The following COLEC10 variants were observed in gnomAD, a reference collection of about 807,000 sequenced individuals.
The protein encoded by COLEC10 is collectin subfamily member 10, also known as collectin-10.
COLEC10 carries 22 observed loss-of-function variants against 28.4 expected under a neutral mutation model. The ratio of observed to expected loss-of-function variants is 0.78; its 90% CI spans 0.55 to 1.11. The LOEUF (loss-of-function observed/expected upper bound fraction) is 1.11. COLEC10 is among the 50% of genes least tolerant of loss of function. The pLI, the probability that COLEC10 is intolerant of heterozygous loss-of-function variation, is 0.00. For synonymous variants in COLEC10, 125 were observed against 116.1 expected (o/e 1.08, Z -0.49); for missense variants, 361 against 344.1 (o/e 1.05, Z -0.39).
intron 3 of COLEC10, among the ~76,000 whole-genome samples, chr8:119,095,660 G>A (rs1397586540): frequency 1.3e-5 from 2 of 151,968 alleles, no homozygotes; most frequent in African/African-American, 2.4e-5. Flanking sequence ...TGAGATCCCA[G>A]CACTGCACTC....
At chr8:118,969,641 G>C in the COLEC10 span, among the ~76,000 whole-genome samples, 1 of 150,916 alleles carries the variant, frequency 6.6e-6, no homozygotes, top group Non-Finnish European at 1.5e-5. Flanking sequence ...ACCCAGAGCT[G>C]TACTCTTTCC....
Position 119,095,485 on chromosome 8 carries a change from C to T in COLEC10, c.292+4265C>T, listed in dbSNP as rs149554968. Among the ~76,000 whole-genome samples, 1,152 of 152,224 alleles carry T rather than the reference C, an allele frequency of 7.6e-3. 14 individuals carry two copies. The highest frequency in any genetic ancestry group is 0.024 in the African/African-American group (1,016 of 41,544). ...CGGGGGGCCGAGGTGGATGGATCAC[C>T]TGAGGTCTGGAGTTTGAGACCAGCC... On this transcript the variant is annotated intron_variant, in intron 3 of 5. Transcript: ENST00000332843.
the COLEC10 span, among the ~76,000 whole-genome samples, chr8:118,976,150 G>A: frequency 1.3e-5 from 2 of 151,934 alleles, no homozygotes; most frequent in African/African-American, 4.8e-5. Flanking sequence ...ATAAATTCAT[G>A]TTCAATTATA....
In COLEC10 at chr8:119,105,988, G is replaced by A. The variant is rs751195682; in HGVS notation, c.631G>A (p.Val211Met). The change falls in exon 6 of 6, where the codon GTG (valine) becomes ATG (methionine). Residue 211 changes from valine (V) to methionine (M), a missense_variant. By Grantham distance (21) the Val-to-Met change is conservative (BLOSUM62 1). Coordinates refer to ENST00000332843, the MANE Select transcript of COLEC10 (RefSeq NM_006438.5). ...TGGCTTCTTTCGGGTGTTCATTGGCGTGAATGACCTTGAAAGGGAGGGACA... is the reference window on the plus strand; with the variant it reads ...TGGCTTCTTTCGGGTGTTCATTGGCATGAATGACCTTGAAAGGGAGGGACA... The part of the protein sequence containing the change: ...KSGFFRVFIG[V>M]NDLEREGQYM... 14 of 1,613,646 alleles carry A rather than the reference G, an allele frequency of 8.7e-6. 1 individual carries two copies. Among genetic ancestry groups the A allele is most frequent in the African/African-American group, 6.7e-5 (5 of 74,874 alleles).
the COLEC10 span, among the ~76,000 whole-genome samples, chr8:118,956,670 A>G: frequency 6.6e-6 from 1 of 152,218 alleles, no homozygotes; most frequent in African/African-American, 2.4e-5. Context: ...TACTCATCAG[A>G]TGGCTTCTGA....
At chr8:119,021,844 G>A (rs1215742714) in intron 2 of COLEC10, among the ~76,000 whole-genome samples, 2 of 152,130 alleles carry the variant, frequency 1.3e-5, no homozygotes, top group Non-Finnish European at 2.9e-5. Flanking sequence ...GAAGCTCCTT[G>A]TGACAATATG....
At chr8:118,972,898 GA>G in the COLEC10 span, among the ~76,000 whole-genome samples, 1 of 152,020 alleles carries the variant, frequency 6.6e-6, no homozygotes, top group Non-Finnish European at 1.5e-5. Context: ...ATGGCAGAAA[GA>G]GAAGCTAACG....
chr8:118,959,262 T>C, the COLEC10 span, among the ~76,000 whole-genome samples: 9 of 152,188 alleles, frequency 5.9e-5, no homozygotes, highest in African/African-American at 2.2e-4. Flanking sequence ...GAGCATAGGA[T>C]GAAGATCTGG....
At chr8:119,011,725 A>C (rs1211857525) in intron 2 of COLEC10, among the ~76,000 whole-genome samples, 1 of 150,908 alleles carries the variant, frequency 6.6e-6, no homozygotes. Flanking sequence ...TGCTAATGTT[A>C]TATTGCATTT....
At chr8:118,970,918 A>G in the COLEC10 span, among the ~76,000 whole-genome samples, 1 of 151,994 alleles carries the variant, frequency 6.6e-6, no homozygotes, top group South Asian at 2.1e-4. Flanking sequence ...TTCATTTTAC[A>G]GTCCATGCTT....
intron 1 of COLEC10, among the ~76,000 whole-genome samples, chr8:119,072,915 T>C (rs1815153983): frequency 6.6e-6 from 1 of 152,234 alleles, no homozygotes; most frequent in African/African-American, 2.4e-5. Context: ...TTACTGGACA[T>C]GGCTCTGGAT....
At chr8:118,977,076 C>A in the COLEC10 span, among the ~76,000 whole-genome samples, 5 of 149,938 alleles carry the variant, frequency 3.3e-5, no homozygotes, top group South Asian at 4.4e-4. Context: ...GTTAGAATGG[C>A]GATCATTCAA....
chr8:118,979,466 A>C, the COLEC10 span, among the ~76,000 whole-genome samples: 2 of 152,104 alleles, frequency 1.3e-5, no homozygotes, highest in Non-Finnish European at 2.9e-5. Flanking sequence ...AAACAATAAT[A>C]ATAATAATAA....
At chr8:119,066,559 C>T (rs1378424704), upstream of COLEC10, among the ~76,000 whole-genome samples, 1 of 152,228 alleles carries the variant, frequency 6.6e-6, no homozygotes, top group Non-Finnish European at 1.5e-5. Context: ...CAATTGAAGG[C>T]CTTTCGCCTT....
chr8:119,099,693 T>C (rs1026236015), intron 3 of COLEC10, among the ~76,000 whole-genome samples: 3 of 152,114 alleles, frequency 2.0e-5, no homozygotes, highest in African/African-American at 4.8e-5. Flanking sequence ...AAAGACCACA[T>C]AGCAATTCAA....
intron 3 of COLEC10, 92 bp from the exon 4 acceptor site, chr8:119,102,253 TTCC>T: frequency 2.5e-6 from 1 of 400,264 alleles, no homozygotes; most frequent in Non-Finnish European, 4.6e-6. Flanking sequence ...CTTCCTTCTT[TTCC>T]TTCCTTCATT....
chr8:118,998,709 T>C (rs887825924), intron 1 of COLEC10, among the ~76,000 whole-genome samples: 1 of 150,840 alleles, frequency 6.6e-6, no homozygotes, highest in Admixed American at 6.6e-5. Context: ...TAGCCAGGCG[T>C]GGTGGCAGGC....
intron 2 of COLEC10, among the ~76,000 whole-genome samples, chr8:119,017,098 A>G (rs4577982): frequency 0.58 from 88,790 of 152,012 alleles, 26,628 homozygotes; most frequent in African/African-American, 0.72. Flanking sequence ...TCTAATGACC[A>G]TTGATGATGA....
the COLEC10 span, among the ~76,000 whole-genome samples, chr8:118,964,044 A>G: frequency 5.1e-4 from 78 of 152,206 alleles, no homozygotes; most frequent in Non-Finnish European, 9.8e-4. Context: ...GCTATGGAGC[A>G]AATAAATGGG....
Sources: allele counts gnomAD v4.1 joint callset (sites outside exome capture counted in the v4.1 genomes callset), GRCh38; gene constraint gnomAD v4.1.1; transcripts MANE v1.5; gene names NCBI Gene and HGNC (gene_info 2026-07-23, HGNC 2026-07-21).